Variants in KANK1 observed in about 807,000 individuals in gnomAD.
KANK1 encodes the protein KN motif and ankyrin repeat domains 1.
A neutral mutation model predicts 106.2 loss-of-function variants in KANK1; 109 were observed. The observed-to-expected ratio is 1.03, with a 90% CI of 0.88 to 1.20. KANK1 has a LOEUF of 1.20. KANK1 is among the 50% of genes most tolerant of loss of function. The pLI is 0.00. For missense variants in KANK1, 2,399 were observed against 1,710.7 expected (o/e 1.40, Z -7.10); for synonymous variants, 873 against 652.2 (o/e 1.34, Z -5.16).
chr9:567,885 G>A (rs138912239), intron 1 of KANK1, among the ~76,000 whole-genome samples: 200 of 152,218 alleles, frequency 1.3e-3, no homozygotes, highest in African/African-American at 4.8e-3. Flanking sequence ...AGGCCCAGTG[G>A]TATTGAATTT....
intron 7 of KANK1, among the ~76,000 whole-genome samples, chr9:737,282 TAATC>T (rs1834046838): frequency 6.6e-6 from 1 of 152,200 alleles, no homozygotes; most frequent in Admixed American, 6.5e-5. Flanking sequence ...TAAAACTAAA[TAATC>T]AGTAGCAGGA....
chr9:606,455 T>C lies in KANK1; in HGVS notation c.-83-70435T>C, dbSNP rs539402754. ...CCTGTAATCTCAGCTACTCAGGAGGTTGAGACAGGAGAATCACTTGAACCC... is the reference window on the plus strand; with the variant it reads ...CCTGTAATCTCAGCTACTCAGGAGGCTGAGACAGGAGAATCACTTGAACCC... On this transcript the variant is annotated intron_variant, in intron 1 of 11. Coordinates refer to ENST00000382297, the MANE Select transcript of KANK1 (RefSeq NM_015158.5). Among the ~76,000 whole-genome samples, 198 of 147,250 alleles carry C rather than the reference T, an allele frequency of 1.3e-3. 29 individuals carry two copies. The highest frequency in any genetic ancestry group is 4.8e-3 in the African/African-American group (180 of 37,276).
rs55997819 is a variant in KANK1, at chr9:727,680, ATGTGTGTGTGTGTGTGTGTGTGTGTG to A, written c.2699-2359_2699-2334del. The stretch of plus-strand genomic sequence containing the variant: ...TTAGCACAGAGTCAGATAACTTTTC[ATGTGTGTGTGTGTGTGTGTGTGTGTG>A]TGTGTGTGTGTATGTGTGTGTGTGG... On this transcript the variant is annotated intron_variant, in intron 3 of 11. Transcript: ENST00000382297. Among the ~76,000 whole-genome samples the A allele has an allele frequency of 5.0e-5, 7 of 139,768 alleles. No individual in the cohort carries two copies. In the South Asian group the frequency reaches 1.4e-3, roughly 28 times the overall value. The allele number at this position is 139,768 out of a possible 152,430, so 91.7% of individuals were successfully genotyped here. A position where few individuals can be genotyped will look rare whatever the true frequency, so the allele number is the denominator to read the frequency against.
At chr9:521,668 G>A (rs1265597755) in intron 1 of KANK1, among the ~76,000 whole-genome samples, 2 of 149,336 alleles carry the variant, frequency 1.3e-5, no homozygotes, top group Admixed American at 6.7e-5. Flanking sequence ...CTGGGTTCAA[G>A]CGATTCTCCT....
At chr9:662,059 G>C (rs1843448813) in intron 1 of KANK1, among the ~76,000 whole-genome samples, 1 of 152,116 alleles carries the variant, frequency 6.6e-6, no homozygotes, top group African/African-American at 2.4e-5. Flanking sequence ...CAAATGATGA[G>C]TGAACTCCCA....
At chr9:583,304 C>A (rs1276738832) in intron 1 of KANK1, among the ~76,000 whole-genome samples, 1 of 152,102 alleles carries the variant, frequency 6.6e-6, no homozygotes, top group Non-Finnish European at 1.5e-5. Flanking sequence ...AATGGAAATG[C>A]CTGCCTAGTA....
intron 3 of KANK1, among the ~76,000 whole-genome samples, chr9:474,841 C>G (rs997947613): frequency 7.9e-5 from 12 of 152,186 alleles, no homozygotes; most frequent in African/African-American, 2.9e-4. Flanking sequence ...TCCCTGAGGA[C>G]ACTTCAGTAT....
intron 1 of KANK1, among the ~76,000 whole-genome samples, chr9:618,383 T>A (rs139153994): frequency 5.3e-5 from 8 of 152,064 alleles, no homozygotes; most frequent in Non-Finnish European, 1.2e-4. Flanking sequence ...AATTTTTGTA[T>A]TTTTACTAGA....
In KANK1 at chr9:712,064, T is replaced by C; in HGVS notation, c.1298T>C (p.Met433Thr). The part of the protein sequence containing the change: ...KDAAVGTLVE[M>T]RNCGVSVTEA... ...GCAGCTGTAGGGACACTTGTTGAGA[T>C]GAGAAATTGTGGGGTCAGCGTGACA... The change falls in exon 3 of 12, where the codon ATG becomes ACG. Residue 433 changes from methionine (M) to threonine (T), a missense_variant. Physicochemically the swap from Met to Thr is moderately conservative, Grantham distance 81. Transcript: ENST00000382297. 6.2e-7 allele frequency: 1 copy of C among 1,613,926 alleles called. No homozygotes were observed. The highest frequency in any genetic ancestry group is 8.5e-7 in the Non-Finnish European group (1 of 1,179,930).
intron 1 of KANK1, among the ~76,000 whole-genome samples, chr9:528,469 C>CTTTTTTTTTTTTTTTTTTTTTTTTTTTTT (rs36072780): frequency 2.4e-5 from 2 of 85,082 alleles, no homozygotes; most frequent in Non-Finnish European, 4.8e-5. Context: ...TAAAAAATAA[C>CTTTTTTTTTTTTTTTTTTTTTTTTTTTTT]TTTTTTTTTT....
intron 1 of KANK1, among the ~76,000 whole-genome samples, chr9:545,546 A>G (rs2060875480): frequency 6.6e-6 from 1 of 152,058 alleles, no homozygotes. Context: ...AGGAATGGAC[A>G]GAAAGGGTGG....
intron 1 of KANK1, among the ~76,000 whole-genome samples, chr9:625,497 C>T (rs928543731): frequency 2.0e-5 from 3 of 152,002 alleles, no homozygotes; most frequent in African/African-American, 7.3e-5. Context: ...TCTTAATCTA[C>T]AGGAAACTTC....
At chr9:639,344 G>C (rs2137080350) in intron 1 of KANK1, among the ~76,000 whole-genome samples, 1 of 151,690 alleles carries the variant, frequency 6.6e-6, no homozygotes, top group East Asian at 1.9e-4. Flanking sequence ...TATTATTTTT[G>C]AGACAGAGAC....
In KANK1 at chr9:732,562, G is replaced by C. The variant is rs774444092; in HGVS notation, c.3190G>C (p.Glu1064Gln). 1.4e-5 allele frequency: 22 copies of C among 1,614,160 alleles called. No homozygotes were observed. Among genetic ancestry groups the C allele is most frequent in the Non-Finnish European group, 1.9e-5 (22 of 1,180,036 alleles). ...TGAAGGTTTGAAGTCTGCCAGGGTG[G>C]AAGATGAAATGCAGGTTCAAGAATG... ...NIEGLKSARV[E>Q]DEMQVQECEP... Residue 1064 changes from glutamate to glutamine, a missense_variant, in exon 6 of 12, where the codon GAA becomes CAA. Physicochemically the swap from Glu to Gln is conservative, Grantham distance 29 (BLOSUM62 2). Transcript: ENST00000382297.
intron 1 of KANK1, among the ~76,000 whole-genome samples, chr9:546,884 AAGAC>A (rs2060965437): frequency 6.6e-6 from 1 of 152,114 alleles, no homozygotes; most frequent in African/African-American, 2.4e-5. Context: ...GCTTGGAAAA[AAGAC>A]AGGAAGTATT....
At chr9:582,129 C>G (rs1822318135) in intron 1 of KANK1, among the ~76,000 whole-genome samples, 1 of 152,204 alleles carries the variant, frequency 6.6e-6, no homozygotes, top group Non-Finnish European at 1.5e-5. Context: ...CGCTGCTTCT[C>G]TGTGGTCACC....
chr9:515,837 C>A lies in KANK1; in HGVS notation c.-84+11083C>A, dbSNP rs138656502. Among the ~76,000 whole-genome samples, 119 of 151,884 alleles carry A rather than the reference C, an allele frequency of 7.8e-4. 2 individuals are homozygous for A. The highest frequency in any genetic ancestry group is 2.8e-3 in the African/African-American group (117 of 41,190). On this transcript the variant is annotated intron_variant, in intron 1 of 11. Coordinates refer to ENST00000382297, the MANE Select transcript of KANK1 (RefSeq NM_015158.5). ...CAGTGCTGTTAAGTTCTTGTCACTT[C>A]TTAGCAAATGAAATGCATAGTTTCA...
At chr9:489,903 A>G (rs77847434) in intron 3 of KANK1, among the ~76,000 whole-genome samples, 23 of 152,316 alleles carry the variant, frequency 1.5e-4, no homozygotes, top group African/African-American at 5.1e-4. Context: ...ACCTTGTATT[A>G]AACAATACCT....
Position 509,759 on chromosome 9 carries a change from A to C in KANK1, c.-84+5005A>C, listed in dbSNP as rs538722575. Among the ~76,000 whole-genome samples the C allele has an allele frequency of 4.6e-5, 7 of 152,308 alleles. No homozygotes were observed. In the East Asian group the frequency reaches 1.2e-3, roughly 25 times the overall value. ...GGATCTTTGTTAAACTGCTGCCTGC[A>C]GAGTTATCCTTGAACCTAATATGGA... On this transcript the variant is annotated intron_variant, in intron 1 of 11. Coordinates refer to ENST00000382297, the MANE Select transcript of KANK1 (RefSeq NM_015158.5).
Sources: allele counts gnomAD v4.1 joint callset (sites outside exome capture counted in the v4.1 genomes callset), GRCh38; gene constraint gnomAD v4.1.1; transcripts MANE v1.5; gene names NCBI Gene and HGNC (gene_info 2026-07-23, HGNC 2026-07-21).